The following THAP5 variants were observed in gnomAD, a reference collection of about 807,000 sequenced individuals.
THAP5 encodes THAP domain-containing protein 5.
Under a neutral mutation model 34.0 loss-of-function variants are expected in THAP5, and 26 were observed. The observed-to-expected ratio is 0.77, with a 90% confidence interval of 0.56 to 1.06. The LOEUF (loss-of-function observed/expected upper bound fraction) is 1.06, where lower values mean the gene tolerates loss of function less well. Among genes scored for constraint, THAP5 ranks in the 50% least tolerant of loss-of-function variants. THAP5 has a pLI of 0.00. For synonymous variants in THAP5, 125 were observed against 153.0 expected (o/e 0.82, Z 1.35); for missense variants, 394 against 452.8 (o/e 0.87, Z 1.18).
Position 108,563,856 on chromosome 7 carries a change from T to C in THAP5, c.*335A>G. 5.7e-6 allele frequency: 1 copy of C among 174,220 alleles called. No individual in the cohort carries two copies. The highest frequency in any genetic ancestry group is 1.2e-5 in the Non-Finnish European group (1 of 82,728). The allele number at this position is 174,220 out of a possible 1,614,324, so 10.8% of individuals were successfully genotyped here. A position where few individuals can be genotyped will look rare whatever the true frequency, so the allele number is the denominator to read the frequency against. On this transcript the variant is annotated 3_prime_UTR_variant, in exon 3 of 3. Coordinates refer to ENST00000415914, the MANE Select transcript of THAP5 (RefSeq NM_001130475.3). ...TCATAAGTAACTTGCCCAAGTCATA[T>C]GCCAGTGGTAGAACCAGGACTGATT... is the stretch of plus-strand genomic sequence containing the variant.
chr7:108,541,802 C>A, the THAP5 span, among the ~76,000 whole-genome samples: 1 of 152,166 alleles, frequency 6.6e-6, no homozygotes. Flanking sequence ...CAGAATTCCT[C>A]AAGAAGCAAA....
rs1599010817 is a variant in THAP5, at chr7:108,564,014, ACT to A, written c.*175_*176del. 1 of 503,060 alleles carries A rather than the reference ACT, an allele frequency of 2.0e-6. No individual in the cohort carries two copies. The allele number at this position is 503,060 out of a possible 1,614,324, so 31.2% of individuals were successfully genotyped here. A position where few individuals can be genotyped will look rare whatever the true frequency, so the allele number is the denominator to read the frequency against. On this transcript the variant is annotated 3_prime_UTR_variant, in exon 3 of 3. Transcript: ENST00000415914. ...TAAAACTGCTTTTCTCTCCAGCCCA[ACT>A]CTCTGGTTTTTCTTAAATAAGTATT...
chr7:108,560,952 T>G (rs994711151), downstream of THAP5, among the ~76,000 whole-genome samples: 37 of 152,176 alleles, frequency 2.4e-4, no homozygotes, highest in Admixed American at 5.9e-4. Flanking sequence ...CAGGCTGGTC[T>G]CAAACTCTTG....
downstream of THAP5, among the ~76,000 whole-genome samples, chr7:108,553,721 A>G (rs937869842): frequency 6.6e-6 from 1 of 152,170 alleles, no homozygotes; most frequent in Non-Finnish European, 1.5e-5. Flanking sequence ...GTGGCAGAGA[A>G]CCTTGCTGAG....
At chr7:108,544,432 A>G in the THAP5 span, among the ~76,000 whole-genome samples, 2 of 151,744 alleles carry the variant, frequency 1.3e-5, no homozygotes, top group Admixed American at 6.6e-5. Context: ...TCAGGAGGCC[A>G]AGGCAAGAGA....
At chr7:108,556,654 A>G (rs773072740) in intron 1 of THAP5, among the ~76,000 whole-genome samples, 1 of 152,196 alleles carries the variant, frequency 6.6e-6, no homozygotes, top group Non-Finnish European at 1.5e-5. Flanking sequence ...TCTACAGGGT[A>G]AAGCACCCAC....
chr7:108,567,541 C>G (rs930880138), intron 1 of THAP5, among the ~76,000 whole-genome samples: 1 of 151,996 alleles, frequency 6.6e-6, no homozygotes, highest in African/African-American at 2.4e-5. Flanking sequence ...AGGTAAATCT[C>G]TAAGAAATCT....
downstream of THAP5, among the ~76,000 whole-genome samples, chr7:108,558,970 T>A (rs1380030999): frequency 6.6e-6 from 1 of 152,258 alleles, no homozygotes; most frequent in East Asian, 1.9e-4. Flanking sequence ...ACATTTAAGA[T>A]CTGTCAGTTC....
chr7:108,567,709 C>T (rs1276640811), intron 1 of THAP5, among the ~76,000 whole-genome samples: 1 of 152,176 alleles, frequency 6.6e-6, no homozygotes, highest in Non-Finnish European at 1.5e-5. Flanking sequence ...TACATTTAAA[C>T]TACAGTTTGC....
chr7:108,554,198 A>C (rs900479317), downstream of THAP5, among the ~76,000 whole-genome samples: 2 of 152,200 alleles, frequency 1.3e-5, no homozygotes, highest in African/African-American at 2.4e-5. Context: ...AAAACTTTCT[A>C]TTCTTTATAA....
chr7:108,566,425 A>G (rs1415662015), intron 1 of THAP5, among the ~76,000 whole-genome samples: 1 of 152,240 alleles, frequency 6.6e-6, no homozygotes, highest in South Asian at 2.1e-4. Context: ...AATGTATTTC[A>G]TAATACCACC....
the THAP5 span, among the ~76,000 whole-genome samples, chr7:108,547,648 T>G: frequency 6.6e-6 from 1 of 152,254 alleles, no homozygotes; most frequent in South Asian, 2.1e-4. Flanking sequence ...CTAAGATTTG[T>G]AAGAATTCTG....
the THAP5 span, among the ~76,000 whole-genome samples, chr7:108,542,532 G>A: frequency 3.3e-5 from 5 of 152,134 alleles, no homozygotes; most frequent in African/African-American, 4.8e-5. Context: ...GCACGATCTC[G>A]GCTCACTGTA....
chr7:108,557,020 G>A (rs1864391131), intron 1 of THAP5, among the ~76,000 whole-genome samples: 1 of 152,226 alleles, frequency 6.6e-6, no homozygotes, highest in African/African-American at 2.4e-5. Context: ...TTTGGGGCTT[G>A]CACCCTCTGA....
At chr7:108,566,131 C>G (rs1790483613) in intron 1 of THAP5, 109 bp from the exon 2 acceptor site, 4 of 871,338 alleles carry the variant, frequency 4.6e-6, no homozygotes, top group South Asian at 3.8e-5. Flanking sequence ...CAAGTAAGTA[C>G]TACAAGAGGA....
Position 108,565,982 on chromosome 7 carries a change from T to G in THAP5, c.121A>C (p.Lys41Gln). The G allele has an allele frequency of 6.5e-7, 1 of 1,544,704 alleles. No individual in the cohort carries two copies. The highest frequency in any genetic ancestry group is 8.7e-7 in the Non-Finnish European group (1 of 1,144,896). Residue 41 changes from lysine (K) to glutamine (Q), a missense_variant, in exon 2 of 3, where the codon AAG (lysine) becomes CAG (glutamine). Transcript: ENST00000415914. ...HDKERLEKWL[K>Q]NMKRDSWVPS... ...ACCCATGAATCTCGCTTCATATTCT[T>G]TAACCACTTTTCCAGTCTTTCTTTG... is the stretch of plus-strand genomic sequence containing the variant.
chr7:108,569,097 A>T, intron 1 of THAP5: 1 of 1,044,632 alleles, frequency 9.6e-7, no homozygotes, highest in Non-Finnish European at 1.2e-6. Context: ...TATGCGACCT[A>T]CCTCGCGGGG....
chr7:108,549,063 T>C, the THAP5 span, among the ~76,000 whole-genome samples: 1 of 151,570 alleles, frequency 6.6e-6, no homozygotes, highest in African/African-American at 2.4e-5. Flanking sequence ...TGTATTTACC[T>C]ATATTTCTCA....
intron 1 of THAP5, among the ~76,000 whole-genome samples, chr7:108,555,613 TC>T (rs1335111139): frequency 1.3e-5 from 2 of 152,096 alleles, no homozygotes. Context: ...GACTCACAGT[TC>T]CACAGTCTGT....
Sources: gnomAD v4.1 joint callset for allele counts (sites outside exome capture counted in the v4.1 genomes callset) on GRCh38, gnomAD v4.1.1 for gene constraint, MANE v1.5 for transcripts, NCBI Gene and HGNC (gene_info 2026-07-23, HGNC 2026-07-21) for gene names.